Variants in FRMPD4 observed in about 807,000 individuals in gnomAD.
FRMPD4 encodes FERM and PDZ domain-containing protein 4.
A neutral mutation model predicts 94.1 loss-of-function variants in FRMPD4; 22 were observed. That is an observed-to-expected ratio of 0.23 (90% CI 0.17 to 0.33). The LOEUF is 0.33. FRMPD4 is among the 10% of genes least tolerant of loss of function. The pLI is 1.00. For synonymous variants in FRMPD4, 631 were observed against 548.6 expected (o/e 1.15, Z -2.10); for missense variants, 1,111 against 1,339.9 (o/e 0.83, Z 2.67).
chrX:12,120,778 A>G (rs1206927959), intron 3 of FRMPD4, among the ~76,000 whole-genome samples: 2 of 111,253 alleles, frequency 1.8e-5, no homozygotes, highest in Admixed American at 1.9e-4. Flanking sequence ...GCTGGGGTAC[A>G]ATAATGTGTG....
intron 3 of FRMPD4, among the ~76,000 whole-genome samples, chrX:12,107,170 T>G (rs1398428616): frequency 9.0e-6 from 1 of 111,636 alleles, no homozygotes; most frequent in Non-Finnish European, 1.9e-5. Flanking sequence ...GACTGACACC[T>G]CACATGGCCG....
At chrX:12,175,809 C>T (rs1292643586) in intron 1 of FRMPD4, among the ~76,000 whole-genome samples, 2 of 111,677 alleles carry the variant, frequency 1.8e-5, no homozygotes. Flanking sequence ...CCACAGCGCC[C>T]GGCCTCAATA....
intron 3 of FRMPD4, among the ~76,000 whole-genome samples, chrX:12,009,930 A>G (rs1234091117): frequency 8.9e-6 from 1 of 112,146 alleles, no homozygotes; most frequent in Non-Finnish European, 1.9e-5. Context: ...TAGAAACAAA[A>G]TAGTTTTAAA....
chrX:12,295,066 T>C (rs1280994515), intron 1 of FRMPD4, among the ~76,000 whole-genome samples: 1 of 112,200 alleles, frequency 8.9e-6, no homozygotes, highest in Non-Finnish European at 1.9e-5. Flanking sequence ...ATGTTCACTT[T>C]CTTATATCAA....
intron 1 of FRMPD4, among the ~76,000 whole-genome samples, chrX:12,460,818 A>G (rs1414090663): frequency 8.9e-6 from 1 of 112,161 alleles, no homozygotes; most frequent in Non-Finnish European, 1.9e-5. Context: ...ATTTGTGTTT[A>G]GAAAACAATT....
intron 1 of FRMPD4, among the ~76,000 whole-genome samples, chrX:12,325,539 G>A (rs1195475832): frequency 1.8e-5 from 2 of 112,619 alleles, no homozygotes; most frequent in African/African-American, 6.4e-5. Context: ...GAACTCTGCC[G>A]TATAGCATGA....
intron 3 of FRMPD4, among the ~76,000 whole-genome samples, chrX:11,977,114 A>T (rs2054371365): frequency 8.9e-6 from 1 of 112,236 alleles, no homozygotes; most frequent in Non-Finnish European, 1.9e-5. Flanking sequence ...AATAAAAGTT[A>T]AAAAGGCACT....
In FRMPD4 at chrX:12,279,754, GT is replaced by G. The variant is rs75312951; in HGVS notation, c.41+140743del. Among the ~76,000 whole-genome samples, 39 of 110,806 alleles carry G rather than the reference GT, an allele frequency of 3.5e-4. No homozygotes were observed. In the East Asian group the frequency reaches 0.011, roughly 31 times the overall value. ...GGGATTACATTGTTCCAGTCTCAAT[GT>G]CCTGGCGAGCCACACATCCTCATTA... is the stretch of plus-strand genomic sequence containing the variant. On this transcript the variant is annotated intron_variant, in intron 1 of 16. Transcript: ENST00000675598.
At chrX:12,188,399 A>C (rs2056449667) in intron 1 of FRMPD4, among the ~76,000 whole-genome samples, 2 of 111,742 alleles carry the variant, frequency 1.8e-5, no homozygotes, top group South Asian at 7.5e-4. Flanking sequence ...AAGAATCAGC[A>C]GAAGTATTTG....
Position 12,492,258 on chromosome X carries a change from T to A in FRMPD4, c.42-6422T>A, listed in dbSNP as rs140062050. ...GGCTGAACTTTGTAAGTAGAAACTTTTGGAAGAAGACCAGTTAACCCAGAT... is the reference window on the plus strand; with the variant it reads ...GGCTGAACTTTGTAAGTAGAAACTTATGGAAGAAGACCAGTTAACCCAGAT... On this transcript the variant is annotated intron_variant, in intron 1 of 16. Transcript: ENST00000675598. Among the ~76,000 whole-genome samples, 579 of 111,708 alleles carry A rather than the reference T, an allele frequency of 5.2e-3. 5 individuals are homozygous for A. Among genetic ancestry groups the A allele is most frequent in the Non-Finnish European group, 7.9e-3 (422 of 53,113 alleles).
intron 1 of FRMPD4, among the ~76,000 whole-genome samples, chrX:12,197,089 A>G (rs1274684139): frequency 1.8e-5 from 2 of 111,648 alleles, no homozygotes; most frequent in East Asian, 2.8e-4. Flanking sequence ...AAATATAAAT[A>G]TATGTATTTA....
chrX:12,074,653 G>T (rs1476710342), intron 3 of FRMPD4, among the ~76,000 whole-genome samples: 1 of 111,884 alleles, frequency 8.9e-6, no homozygotes, highest in Non-Finnish European at 1.9e-5. Context: ...TCAACATATG[G>T]TTTTTATATT....
At chrX:12,079,183 T>C (rs1431348468) in intron 3 of FRMPD4, among the ~76,000 whole-genome samples, 1 of 110,817 alleles carries the variant, frequency 9.0e-6, no homozygotes, top group Non-Finnish European at 1.9e-5. Context: ...AAAATATGTA[T>C]ATTTTACACA....
At chrX:12,022,095 C>A (rs905864163) in intron 3 of FRMPD4, among the ~76,000 whole-genome samples, 2 of 112,316 alleles carry the variant, frequency 1.8e-5, no homozygotes, top group Non-Finnish European at 3.8e-5. Context: ...AGTTCTCAGC[C>A]AGAAATGTGT....
intron 3 of FRMPD4, among the ~76,000 whole-genome samples, chrX:12,095,950 C>G (rs773149401): frequency 1.2e-3 from 135 of 112,168 alleles, no homozygotes; most frequent in Non-Finnish European, 2.2e-3. Flanking sequence ...CCACCCTAAT[C>G]TGATCTCAGG....
intron 1 of FRMPD4, among the ~76,000 whole-genome samples, chrX:11,840,100 A>G (rs1340436131): frequency 9.0e-6 from 1 of 111,689 alleles, no homozygotes; most frequent in East Asian, 2.8e-4. Flanking sequence ...GTCAATTTCT[A>G]TAAAACAGTG....
chrX:12,067,018 C>T (rs1450755518), intron 3 of FRMPD4, among the ~76,000 whole-genome samples: 1 of 109,631 alleles, frequency 9.1e-6, no homozygotes, highest in Admixed American at 9.8e-5. Flanking sequence ...TACAAGCGTG[C>T]ACCACCATGC....
At chrX:11,961,382 T>G (rs1254163096) in intron 3 of FRMPD4, among the ~76,000 whole-genome samples, 1 of 112,343 alleles carries the variant, frequency 8.9e-6, no homozygotes, top group East Asian at 2.8e-4. Context: ...GTGTCCTCAC[T>G]TGGCAGGGAT....
chrX:11,825,817 C>T (rs1411266333), intron 1 of FRMPD4, among the ~76,000 whole-genome samples: 2 of 112,025 alleles, frequency 1.8e-5, no homozygotes, highest in Admixed American at 1.9e-4. Flanking sequence ...GTACACAGAG[C>T]TCTGTATTAT....
Sources: gnomAD v4.1 joint callset for allele counts (sites outside exome capture counted in the v4.1 genomes callset) on GRCh38, gnomAD v4.1.1 for gene constraint, MANE v1.5 for transcripts, NCBI Gene and HGNC (gene_info 2026-07-23, HGNC 2026-07-21) for gene names.